CD36: variants seen among roughly 807,000 people sequenced by gnomAD.
CD36 encodes the protein platelet glycoprotein 4.
Under a neutral mutation model 55.2 loss-of-function variants are expected in CD36, and 119 were observed. That is an observed-to-expected ratio of 2.15 (90% CI 1.86 to 2.51). CD36 has a LOEUF of 2.51. Ranked by LOEUF, CD36 falls within the 30% of genes most tolerant of loss-of-function variation. The pLI is 0.00. For missense variants in CD36, 819 were observed against 555.5 expected (o/e 1.47, Z -4.77); for synonymous variants, 186 against 193.6 (o/e 0.96, Z 0.33).
chr7:80,654,100 G>A (rs3211850), intron 3 of CD36, among the ~76,000 whole-genome samples: 2,822 of 152,102 alleles, frequency 0.019, 90 homozygotes, highest in African/African-American at 0.064. Flanking sequence ...CTTATTTGTC[G>A]CTAGAGATAT....
At chr7:80,623,162 A>T in intron 1 of CD36, among the ~76,000 whole-genome samples, 1 of 152,172 alleles carries the variant, frequency 6.6e-6, no homozygotes, top group East Asian at 1.9e-4. Flanking sequence ...ATAAAAAATA[A>T]CTAAATTTTG....
intron 1 of CD36, among the ~76,000 whole-genome samples, chr7:80,619,006 C>A (rs60133848): frequency 0.12 from 18,097 of 152,178 alleles, 1,503 homozygotes; most frequent in East Asian, 0.34. Flanking sequence ...TGGTTTCAAA[C>A]CTTCAAAGGA....
intron 1 of CD36, among the ~76,000 whole-genome samples, chr7:80,644,883 C>T (rs142777332): frequency 7.0e-4 from 107 of 152,210 alleles, no homozygotes; most frequent in African/African-American, 2.5e-3. Flanking sequence ...ATAAATGACA[C>T]GCCAACCCCA....
chr7:80,628,423 A>G (rs903383880), intron 1 of CD36, among the ~76,000 whole-genome samples: 18 of 152,180 alleles, frequency 1.2e-4, no homozygotes, highest in African/African-American at 4.3e-4. Context: ...AGCTATATAA[A>G]TGAGTAAAAT....
At chr7:80,603,451 A>G (rs1210233465) in intron 1 of CD36, among the ~76,000 whole-genome samples, 1 of 152,122 alleles carries the variant, frequency 6.6e-6, no homozygotes, top group Non-Finnish European at 1.5e-5. Context: ...GAGAGAACTC[A>G]CAATTCAGAT....
intron 4 of CD36, among the ~76,000 whole-genome samples, chr7:80,657,799 C>T (rs1796208472): frequency 6.6e-6 from 1 of 152,144 alleles, no homozygotes; most frequent in Non-Finnish European, 1.5e-5. Context: ...TGTGTATTTT[C>T]CCTCATGGAT....
rs376421152 is a variant in CD36 at position 80,663,107 on chromosome 7, A to G, written c.547A>G (p.Arg183Gly). 113 of 1,613,666 alleles carry G rather than the reference A, an allele frequency of 7.0e-5. No homozygotes were observed. Among genetic ancestry groups the G allele is most frequent in the Non-Finnish European group, 9.3e-5 (110 of 1,179,806 alleles). ...RTLRELLWGY[R>G]DPFLSLVPYP... is the part of the protein sequence containing the mutation. ...TTTGAGAGAACTGTTATGGGGCTATAGGGATCCATTTTTGAGTTTGGTTCC... is the reference window on the plus strand; with the variant it reads ...TTTGAGAGAACTGTTATGGGGCTATGGGGATCCATTTTTGAGTTTGGTTCC... The change falls in exon 6 of 15, where the codon AGG becomes GGG. Residue 183 changes from arginine (R) to glycine (G), a missense_variant. Physicochemically the swap from Arg to Gly is moderately radical, Grantham distance 125. Transcript: ENST00000447544.
chr7:80,606,752 A>G (rs1792571308), intron 1 of CD36, among the ~76,000 whole-genome samples: 1 of 152,162 alleles, frequency 6.6e-6, no homozygotes, highest in African/African-American at 2.4e-5. Context: ...TCACTTCATG[A>G]ACAACCACAG....
At chr7:80,606,196 T>C (rs1320076725) in intron 1 of CD36, among the ~76,000 whole-genome samples, 3 of 152,208 alleles carry the variant, frequency 2.0e-5, no homozygotes, top group Non-Finnish European at 2.9e-5. Flanking sequence ...ATACATTTCT[T>C]TCTTATGTTT....
Position 80,630,553 on chromosome 7 carries a change from C to T in CD36, c.-183-15535C>T, listed in dbSNP as rs373654139. ...ATAAAAATCAATCTTTTGGGATGTGCTTCTCTATAGCATGGGAAGTACTTG... is the reference window on the plus strand; with the variant it reads ...ATAAAAATCAATCTTTTGGGATGTGTTTCTCTATAGCATGGGAAGTACTTG... On this transcript the variant is annotated intron_variant, in intron 1 of 13. Transcript: ENST00000309881. Among the ~76,000 whole-genome samples the T allele has an allele frequency of 4.8e-4, 73 of 152,142 alleles. 3 individuals are homozygous for T. The South Asian group carries it at 0.015, about 31-fold the overall frequency.
chr7:80,620,559 A>G (rs1439396154), intron 1 of CD36, among the ~76,000 whole-genome samples: 3 of 152,170 alleles, frequency 2.0e-5, no homozygotes, highest in African/African-American at 7.2e-5. Context: ...GCATTCAGCT[A>G]TCAAGAAGCT....
chr7:80,661,024 G>A, intron 4 of CD36, 39 bp from the exon 5 acceptor site: 1 of 1,462,906 alleles, frequency 6.8e-7, no homozygotes, highest in Admixed American at 1.7e-5. Context: ...GTTCACATAT[G>A]ACAAATGTTT....
At chr7:80,642,765 C>T (rs1166583472) in intron 1 of CD36, among the ~76,000 whole-genome samples, 1 of 152,050 alleles carries the variant, frequency 6.6e-6, no homozygotes, top group Non-Finnish European at 1.5e-5. Flanking sequence ...TAGACAAGTT[C>T]AGTTTGTCTA....
At chr7:80,611,443 T>C (rs1034493571) in intron 1 of CD36, among the ~76,000 whole-genome samples, 1 of 152,184 alleles carries the variant, frequency 6.6e-6, no homozygotes, top group African/African-American at 2.4e-5. Context: ...TCTGAGAGAT[T>C]GTGCTAGCAT....
intron 1 of CD36, among the ~76,000 whole-genome samples, chr7:80,604,501 CTT>C (rs1792433697): frequency 6.6e-6 from 1 of 150,928 alleles, no homozygotes; most frequent in Non-Finnish European, 1.5e-5. Flanking sequence ...AGAAGTAACA[CTT>C]TTAGATACGT....
intron 1 of CD36, among the ~76,000 whole-genome samples, chr7:80,617,845 G>A (rs1161764131): frequency 2.0e-5 from 3 of 151,998 alleles, no homozygotes; most frequent in African/African-American, 7.3e-5. Context: ...TCTGTGCTGC[G>A]GTCTTCTAGG....
At chr7:80,666,125 G>GA (rs3211918) in intron 7 of CD36, 4,318 of 283,942 alleles carry the variant, frequency 0.015, 2 homozygotes, top group South Asian at 0.038. Context: ...TATCCCATTG[G>GA]AAAAAAAAAA....
At position 80,678,113 on chromosome 7, in the gene CD36, G is replaced by GCA. The variant is rs1798218739; in HGVS notation, c.*1733_*1734dup. ...TGTGTGTGTGTGTGTGTGTGTGTGTGCACATATGCACTGTGGTGGGAGTGG... is the reference window on the plus strand; with the variant it reads ...TGTGTGTGTGTGTGTGTGTGTGTGTGCACACATATGCACTGTGGTGGGAGTGG... On this transcript the variant is annotated 3_prime_UTR_variant, in exon 15 of 15. Transcript: ENST00000447544. 6.8e-6 allele frequency: 1 copy of GCA among 146,036 alleles called. No homozygotes were observed. Among genetic ancestry groups the GCA allele is most frequent in the Non-Finnish European group, 1.5e-5 (1 of 66,270 alleles). The allele number at this position is 146,036 out of a possible 1,614,324, so 9.0% of individuals were successfully genotyped here. A position where few individuals can be genotyped will look rare whatever the true frequency, so the allele number is the denominator to read the frequency against.
At chr7:80,630,945 T>C (rs1034690170) in intron 1 of CD36, among the ~76,000 whole-genome samples, 3 of 151,986 alleles carry the variant, frequency 2.0e-5, no homozygotes, top group African/African-American at 7.2e-5. Flanking sequence ...TCAGTTTAGA[T>C]TTATTATCTT....
Sources: allele counts gnomAD v4.1 joint callset (sites outside exome capture counted in the v4.1 genomes callset), GRCh38; gene constraint gnomAD v4.1.1; transcripts MANE v1.5; gene names NCBI Gene and HGNC (gene_info 2026-07-23, HGNC 2026-07-21).